The following NTM variants were observed in gnomAD, a reference collection of about 807,000 sequenced individuals.
NTM encodes neurotrimin.
Under a neutral mutation model 42.1 loss-of-function variants are expected in NTM, and 13 were observed. That is an observed-to-expected ratio of 0.31 (90% CI 0.20 to 0.49). NTM has a LOEUF of 0.49. Ranked by LOEUF, NTM falls within the 20% of genes least tolerant of loss-of-function variation. The probability of loss-of-function intolerance (pLI) is 0.99; values close to 1 mark genes in which losing one functional copy is unlikely to be tolerated. For synonymous variants in NTM, 187 were observed against 179.2 expected, an observed-to-expected ratio of 1.04 and a Z score of -0.35; for missense variants, 373 against 452.8, an observed-to-expected ratio of 0.82 and a Z score of 1.60.
At position 132,314,576 on chromosome 11, in the gene NTM, G is replaced by A. The variant is rs1052889889; in HGVS notation, c.807G>A (p.Val269=). Residue 269 remains valine, a synonymous_variant, in exon 7 of 9, where the codon GTG becomes GTA. Transcript: ENST00000683400. ...GACTGATTGAAGGAAAGAAAGGGGT[G>A]AAAGTGGAAAACAGACCTTTCCTCT... ...DKRLIEGKKG[V]KVENRPFLSK... 2 of 1,613,140 alleles carry A rather than the reference G, an allele frequency of 1.2e-6. No individual in the cohort carries two copies. Among genetic ancestry groups the A allele is most frequent in the Non-Finnish European group, 1.7e-6 (2 of 1,179,562 alleles).
chr11:131,547,411 G>A (rs1490536084), intron 1 of NTM, among the ~76,000 whole-genome samples: 2 of 152,218 alleles, frequency 1.3e-5, no homozygotes, highest in African/African-American at 4.8e-5. Context: ...TGATCCAGAC[G>A]ATCTTCAACG....
chr11:132,233,430 A>G (rs1471751905), intron 4 of NTM, among the ~76,000 whole-genome samples: 2 of 152,160 alleles, frequency 1.3e-5, no homozygotes, highest in Admixed American at 6.5e-5. Context: ...GTTGACTCTT[A>G]TTGTCTCATT....
intron 1 of NTM, among the ~76,000 whole-genome samples, chr11:131,659,581 C>T (rs1296895886): frequency 6.6e-6 from 1 of 152,260 alleles, no homozygotes. Flanking sequence ...AGTCATCCTT[C>T]TGAAGTACGG....
At chr11:131,563,139 G>A (rs776013677) in intron 1 of NTM, among the ~76,000 whole-genome samples, 7 of 152,156 alleles carry the variant, frequency 4.6e-5, no homozygotes, top group Non-Finnish European at 7.4e-5. Flanking sequence ...CCTCCTGGGG[G>A]AAACTGCAAG....
intron 2 of NTM, among the ~76,000 whole-genome samples, chr11:131,982,573 C>G (rs996476678): frequency 2.0e-5 from 3 of 152,004 alleles, no homozygotes; most frequent in Non-Finnish European, 2.9e-5. Context: ...CTGGGTCTGT[C>G]CCGTGTATGT....
At chr11:132,064,338 A>T (rs1002220033) in intron 2 of NTM, among the ~76,000 whole-genome samples, 1 of 152,222 alleles carries the variant, frequency 6.6e-6, no homozygotes, top group Admixed American at 6.5e-5. Flanking sequence ...AACAACTGCA[A>T]TTTAGCAAAG....
At chr11:131,387,598 A>T (rs1475157037) in intron 1 of NTM, among the ~76,000 whole-genome samples, 2 of 152,216 alleles carry the variant, frequency 1.3e-5, no homozygotes, top group Admixed American at 6.5e-5. Context: ...ACAAAGTATT[A>T]TATATTTCAA....
chr11:132,027,152 C>T (rs747372110), intron 2 of NTM, among the ~76,000 whole-genome samples: 1 of 152,224 alleles, frequency 6.6e-6, no homozygotes, highest in African/African-American at 2.4e-5. Context: ...ACTCTTGTCT[C>T]CATTTCAAAA....
chr11:132,314,736 G>A (rs2095376985), intron 7 of NTM, 33 bp downstream of exon 7: 1 of 1,594,264 alleles, frequency 6.3e-7, no homozygotes, highest in African/African-American at 1.3e-5. Context: ...GCAAGAAGAG[G>A]GGAGAGGGTG....
chr11:131,952,365 A>G (rs965166010), intron 2 of NTM, among the ~76,000 whole-genome samples: 1 of 152,224 alleles, frequency 6.6e-6, no homozygotes, highest in African/African-American at 2.4e-5. Flanking sequence ...ACTTCCTACA[A>G]GTTTAAACTT....
rs2060040533 is a variant in NTM, at chr11:131,598,687, CTTTCTTTCTTTCTTT to C, written c.82+227800_82+227814del. Among the ~76,000 whole-genome samples, 13 of 21,218 alleles carry C rather than the reference CTTTCTTTCTTTCTTT, an allele frequency of 6.1e-4. 3 individuals carry two copies. Among genetic ancestry groups the C allele is most frequent in the Non-Finnish European group, 4.7e-4 (4 of 8,586 alleles). 13.9% of individuals were successfully genotyped at this position (21,218 alleles called of 152,430 possible). A position where few individuals can be genotyped will look rare whatever the true frequency, so the allele number is the denominator to read the frequency against. On this transcript the variant is annotated intron_variant, in intron 1 of 8. Transcript: ENST00000683400. ...CTACTACTCTCTTCTCATTTGTTTT[CTTTCTTTCTTTCTTT>C]CTTTCTTTCTTTCTTTCTTTCTTTC...
intron 4 of NTM, among the ~76,000 whole-genome samples, chr11:132,246,752 C>T (rs996858447): frequency 7.9e-5 from 12 of 152,162 alleles, no homozygotes; most frequent in Non-Finnish European, 1.6e-4. Context: ...GGGAAGGCAT[C>T]GTCTGTTTCG....
chr11:131,557,341 T>C (rs2055580603), intron 1 of NTM, among the ~76,000 whole-genome samples: 1 of 152,174 alleles, frequency 6.6e-6, no homozygotes, highest in African/African-American at 2.4e-5. Flanking sequence ...ACCTGATCAT[T>C]GACGCCCCGA....
In NTM at chr11:131,994,004, C is replaced by CAA. The variant is rs745908192; in HGVS notation, c.167+82370_167+82371dup. Among the ~76,000 whole-genome samples, 618 of 95,516 alleles carry CAA rather than the reference C, an allele frequency of 6.5e-3. 6 individuals are homozygous for CAA. The highest frequency in any genetic ancestry group is 0.018 in the African/African-American group (516 of 28,850). The allele number at this position is 95,516 out of a possible 152,430, so 62.7% of individuals were successfully genotyped here. On this transcript the variant is annotated intron_variant, in intron 2 of 8. Coordinates refer to ENST00000683400, the MANE Select transcript of NTM (RefSeq NM_001352005.2). ...GGCCACAAGATTGAAACTCCATCTC[C>CAA]AAAAAAAAAAAAAAAGAAGAAGAAG...
At chr11:131,529,150 C>T (rs1448198387) in intron 1 of NTM, among the ~76,000 whole-genome samples, 3 of 152,152 alleles carry the variant, frequency 2.0e-5, no homozygotes, top group African/African-American at 7.2e-5. Flanking sequence ...TTGGACAGGT[C>T]AGGGAGCAGA....
In NTM at chr11:131,972,042, C is replaced by CAAAAAAAAAAAAAAA. The variant is rs61627120; in HGVS notation, c.167+60401_167+60415dup. On this transcript the variant is annotated intron_variant, in intron 2 of 8. Transcript: ENST00000683400. ...TGGGCGACAGAGTGAGACTCCGTCT[C>CAAAAAAAAAAAAAAA]AAAAAAAAAAAAAAAAAAAAATTAG... 3.9e-3 allele frequency among the ~76,000 whole-genome samples: 226 copies of CAAAAAAAAAAAAAAA among 57,812 alleles called. 11 individuals carry two copies. Among genetic ancestry groups the CAAAAAAAAAAAAAAA allele is most frequent in the African/African-American group, 0.013 (196 of 14,794 alleles). The allele number at this position is 57,812 out of a possible 152,430, so 37.9% of individuals were successfully genotyped here.
intron 4 of NTM, among the ~76,000 whole-genome samples, chr11:132,218,596 C>G (rs2084434714): frequency 1.3e-5 from 2 of 152,132 alleles, no homozygotes; most frequent in African/African-American, 4.8e-5. Flanking sequence ...AGCTGCCTGC[C>G]TATCTTCTGC....
intron 7 of NTM, among the ~76,000 whole-genome samples, chr11:132,325,954 G>A (rs2095670624): frequency 6.6e-6 from 1 of 152,004 alleles, no homozygotes; most frequent in African/African-American, 2.4e-5. Flanking sequence ...ACTCATAGGT[G>A]GGAATTGAAC....
intron 1 of NTM, among the ~76,000 whole-genome samples, chr11:131,666,510 T>C (rs892370882): frequency 1.9e-4 from 29 of 152,162 alleles, no homozygotes; most frequent in African/African-American, 6.0e-4. Flanking sequence ...GCCTACCCCA[T>C]TGGAGCCATG....
Sources: allele counts gnomAD v4.1 joint callset (sites outside exome capture counted in the v4.1 genomes callset), GRCh38; gene constraint gnomAD v4.1.1; transcripts MANE v1.5; gene names NCBI Gene and HGNC (gene_info 2026-07-23, HGNC 2026-07-21).